The following ZNF558 variants were observed in gnomAD, a reference collection of about 807,000 sequenced individuals.
ZNF558 encodes the protein zinc finger protein 558.
A neutral mutation model predicts 37.6 loss-of-function variants in ZNF558; 23 were observed. The ratio of observed to expected loss-of-function variants is 0.61; its 90% CI spans 0.44 to 0.87. The LOEUF (loss-of-function observed/expected upper bound fraction) is 0.87. Ranked by LOEUF, ZNF558 falls within the 40% of genes least tolerant of loss-of-function variation. The probability of loss-of-function intolerance (pLI) is 0.00; values close to 1 mark genes in which losing one functional copy is unlikely to be tolerated. For synonymous variants in ZNF558, 189 were observed against 174.4 expected (o/e 1.08, Z -0.66); for missense variants, 429 against 483.7 (o/e 0.89, Z 1.06).
chr19:8,816,201 G>A (rs1310285144), intron 7 of ZNF558, among the ~76,000 whole-genome samples: 1 of 151,908 alleles, frequency 6.6e-6, no homozygotes, highest in Non-Finnish European at 1.5e-5. Context: ...CAAGAAGCTG[G>A]GACCATAGGT....
chr19:8,821,364 G>A, intron 6 of ZNF558, 58 bp from the exon 7 acceptor site: 1 of 1,614,044 alleles, frequency 6.2e-7, no homozygotes, highest in Non-Finnish European at 8.5e-7. Context: ...ACGTGCACAG[G>A]AAGAGGGGCC....
intron 7 of ZNF558, among the ~76,000 whole-genome samples, chr19:8,817,718 A>G (rs1271352250): frequency 6.6e-6 from 1 of 152,210 alleles, no homozygotes; most frequent in Non-Finnish European, 1.5e-5. Context: ...GATATTTCAT[A>G]CAATAAAAAT....
At chr19:8,827,443 T>C (rs1020424541) in intron 2 of ZNF558, among the ~76,000 whole-genome samples, 4 of 152,122 alleles carry the variant, frequency 2.6e-5, no homozygotes, top group Non-Finnish European at 5.9e-5. Context: ...TACATGCAAA[T>C]TGCATCACCC....
rs2043710794 is a variant in ZNF558, at chr19:8,807,222, T to A, written c.*4059A>T. 1 of 152,354 alleles carries A rather than the reference T, an allele frequency of 6.6e-6. No individual in the cohort carries two copies. Among genetic ancestry groups the A allele is most frequent in the Non-Finnish European group, 1.5e-5 (1 of 68,160 alleles). The allele number at this position is 152,354 out of a possible 1,614,324, so 9.4% of individuals were successfully genotyped here. On this transcript the variant is annotated 3_prime_UTR_variant, in exon 10 of 10. Transcript: ENST00000601372. ...CAGCTCCTGGAATGCAGCCCTCTCC[T>A]CTCGTCTCCAGATTCAGTTGCTCCC...
chr19:8,811,451 G>T lies in ZNF558; in HGVS notation c.1039C>A (p.Pro347Thr). 1 of 1,614,022 alleles carries T rather than the reference G, an allele frequency of 6.2e-7. No individual in the cohort carries two copies. Among genetic ancestry groups the T allele is most frequent in the Non-Finnish European group, 8.5e-7 (1 of 1,179,986 alleles). The change falls in exon 10 of 10, where the codon CCC (proline) becomes ACC (threonine). Residue 347 changes from proline to threonine, a missense_variant. Coordinates refer to ENST00000601372, the MANE Select transcript of ZNF558 (RefSeq NM_144693.3). Reference sequence around the variant, plus strand: ...TTTCCACAGTCACTGCACTCGTAGGGTTTCTCTCCGGTATGTATTCTCTTG... The same window carrying T: ...TTTCCACAGTCACTGCACTCGTAGGTTTTCTCTCCGGTATGTATTCTCTTG... ...VHKRIHTGEK[P>T]YECSDCGKAF...
rs1555766332 is a variant in ZNF558 at position 8,806,516 on chromosome 19, T to G, written c.*4765A>C. 6.6e-6 allele frequency: 1 copy of G among 152,136 alleles called. No individual in the cohort carries two copies. The highest frequency in any genetic ancestry group is 1.9e-4 in the East Asian group (1 of 5,176). The allele number at this position is 152,136 out of a possible 1,614,324, so 9.4% of individuals were successfully genotyped here. A position where few individuals can be genotyped will look rare whatever the true frequency, so the allele number is the denominator to read the frequency against. ...AGGATCGAGACCATCCTGGCCAACA[T>G]GGTGAAACCCTGTCTCCACTAAAAA... On this transcript the variant is annotated 3_prime_UTR_variant, in exon 10 of 10. Coordinates refer to ENST00000601372, the MANE Select transcript of ZNF558 (RefSeq NM_144693.3).
rs781575537 is a variant in ZNF558, at chr19:8,822,764, T to C, written c.-65-40A>G. On this transcript the variant is annotated intron_variant, in intron 4 of 9. Coordinates refer to ENST00000601372, the MANE Select transcript of ZNF558 (RefSeq NM_144693.3). This position sits in a 1 kb window ranked among gnomAD's most constrained non-coding sequence, Gnocchi z 4.4. Reference sequence around the variant, plus strand: ...AATGCTCCAAGTCTCCGTGGCCTCCTCCCTCTCGGGCTGCTGGGGATGGGC... The same window carrying C: ...AATGCTCCAAGTCTCCGTGGCCTCCCCCCTCTCGGGCTGCTGGGGATGGGC... The C allele has an allele frequency of 4.4e-6, 7 of 1,578,836 alleles. No homozygotes were observed. The highest frequency in any genetic ancestry group is 6.1e-6 in the Non-Finnish European group (7 of 1,154,750).
Position 8,822,782 on chromosome 19 carries a change from G to A in ZNF558, c.-65-58C>T. On this transcript the variant is annotated intron_variant, in intron 4 of 9. Transcript: ENST00000601372. The surrounding 1 kb of genome is among the most constrained non-coding windows in gnomAD (Gnocchi z 4.4). The stretch of plus-strand genomic sequence containing the variant: ...GGCCTCCTCCCTCTCGGGCTGCTGG[G>A]GATGGGCCCTCCTCAACCCATCCTT... 1 of 1,479,352 alleles carries A rather than the reference G, an allele frequency of 6.8e-7. No individual in the cohort carries two copies. Among genetic ancestry groups the A allele is most frequent in the Non-Finnish European group, 9.3e-7 (1 of 1,071,294 alleles). The allele number at this position is 1,479,352 out of a possible 1,614,324, so 91.6% of individuals were successfully genotyped here. A position where few individuals can be genotyped will look rare whatever the true frequency, so the allele number is the denominator to read the frequency against.
upstream of ZNF558, chr19:8,833,652 G>A (rs1390686726): frequency 6.6e-6 from 1 of 152,290 alleles, no homozygotes; most frequent in Non-Finnish European, 1.5e-5. Context: ...AATGGACAGT[G>A]AATGTGATAA....
At position 8,808,813 on chromosome 19, in the gene ZNF558, C is replaced by T. The variant is rs1329692216; in HGVS notation, c.*2468G>A. On this transcript the variant is annotated 3_prime_UTR_variant, in exon 10 of 10. Coordinates refer to ENST00000601372, the MANE Select transcript of ZNF558 (RefSeq NM_144693.3). ...TTGTTTATTTTGAGATGGAGTCTCG[C>T]TCTGTTGCCAGGCTGGAGTGCACTG... The T allele has an allele frequency of 6.6e-6, 1 of 152,092 alleles. No homozygotes were observed. The highest frequency in any genetic ancestry group is 1.5e-5 in the Non-Finnish European group (1 of 68,012). 9.4% of individuals were successfully genotyped at this position (152,092 alleles called of 1,614,324 possible).
At chr19:8,828,106 G>A (rs1301807822) in intron 2 of ZNF558, among the ~76,000 whole-genome samples, 2 of 152,146 alleles carry the variant, frequency 1.3e-5, no homozygotes, top group African/African-American at 4.8e-5. Flanking sequence ...AACCCCAAGT[G>A]GGAAAATAAA....
chr19:8,817,676 C>G (rs181525055), intron 7 of ZNF558, among the ~76,000 whole-genome samples: 4 of 151,828 alleles, frequency 2.6e-5, no homozygotes, highest in Admixed American at 2.6e-4. Context: ...TTCAAAGACA[C>G]AAATATGGCC....
intron 7 of ZNF558, 91 bp downstream of exon 7, chr19:8,821,089 A>T: frequency 6.6e-7 from 1 of 1,521,532 alleles, no homozygotes; most frequent in South Asian, 1.3e-5. Flanking sequence ...TTTATGTTGT[A>T]TGGATTTTAC....
rs1319256265 is a variant in ZNF558, at chr19:8,810,756, G to A, written c.*525C>T. On this transcript the variant is annotated 3_prime_UTR_variant, in exon 10 of 10. Coordinates refer to ENST00000601372, the MANE Select transcript of ZNF558 (RefSeq NM_144693.3). ...CATTGTATCAGGATTGGTGTGTTGT[G>A]AGACCAACACAATAGGAAATAAGTG... 2 of 153,128 alleles carry A rather than the reference G, an allele frequency of 1.3e-5. No homozygotes were observed. The highest frequency in any genetic ancestry group is 2.1e-4 in the South Asian group (1 of 4,860). The allele number at this position is 153,128 out of a possible 1,614,324, so 9.5% of individuals were successfully genotyped here.
rs905464840 is a variant in ZNF558 at position 8,806,375 on chromosome 19, G to A, written c.*4906C>T. The A allele has an allele frequency of 5.3e-5, 8 of 151,954 alleles. No homozygotes were observed. The highest frequency in any genetic ancestry group is 1.5e-4 in the African/African-American group (6 of 41,364). The allele number at this position is 151,954 out of a possible 1,614,324, so 9.4% of individuals were successfully genotyped here. A position where few individuals can be genotyped will look rare whatever the true frequency, so the allele number is the denominator to read the frequency against. On this transcript the variant is annotated 3_prime_UTR_variant, in exon 10 of 10. Transcript: ENST00000601372. ...ATCTCTTCAGTGTTTCTGAAAATACGGTTATGCTGTTAATTCTCTCAGCTT... is the reference window on the plus strand; with the variant it reads ...ATCTCTTCAGTGTTTCTGAAAATACAGTTATGCTGTTAATTCTCTCAGCTT...
At chr19:8,812,841 A>G (rs2043830407) in intron 8 of ZNF558, among the ~76,000 whole-genome samples, 198 bp from the exon 9 acceptor site, 1 of 152,214 alleles carries the variant, frequency 6.6e-6, no homozygotes, top group African/African-American at 2.4e-5. Context: ...TGACAAGAGG[A>G]GTGATCAGGA....
At chr19:8,827,122 C>A (rs1237925509) in intron 2 of ZNF558, among the ~76,000 whole-genome samples, 1 of 147,186 alleles carries the variant, frequency 6.8e-6, no homozygotes, top group Non-Finnish European at 1.5e-5. Context: ...AAATTTCCCA[C>A]TAGGACAGGA....
chr19:8,811,156 CA>C lies in ZNF558; in HGVS notation c.*124del, dbSNP rs2043776192. 1 of 1,070,874 alleles carries C rather than the reference CA, an allele frequency of 9.3e-7. No individual in the cohort carries two copies. Among genetic ancestry groups the C allele is most frequent in the African/African-American group, 1.6e-5 (1 of 62,804 alleles). 66.3% of individuals were successfully genotyped at this position (1,070,874 alleles called of 1,614,324 possible). ...AATAAACATTTCGTGTTTGAAGCCACAAAATTTGCGGGGATCATTTGTTATG... is the reference window on the plus strand; with the variant it reads ...AATAAACATTTCGTGTTTGAAGCCACAAATTTGCGGGGATCATTTGTTATG... On this transcript the variant is annotated 3_prime_UTR_variant, in exon 10 of 10. Coordinates refer to ENST00000601372, the MANE Select transcript of ZNF558 (RefSeq NM_144693.3).
chr19:8,819,156 A>C (rs758218562), intron 7 of ZNF558, among the ~76,000 whole-genome samples: 16 of 152,174 alleles, frequency 1.1e-4, no homozygotes, highest in Non-Finnish European at 2.1e-4. Context: ...AAAAAGAAAA[A>C]CTAGATACAA....
Sources: allele counts gnomAD v4.1 joint callset (sites outside exome capture counted in the v4.1 genomes callset), GRCh38; gene constraint gnomAD v4.1.1; non-coding constraint Gnocchi (gnomAD v3.1); transcripts MANE v1.5; gene names NCBI Gene and HGNC (gene_info 2026-07-23, HGNC 2026-07-21).